The following UBR1 variants were observed in gnomAD, a reference collection of about 807,000 sequenced individuals.
UBR1 encodes the protein ubiquitin protein ligase E3 component n-recognin 1.
Under a neutral mutation model 242.1 loss-of-function variants are expected in UBR1, and 102 were observed. The ratio of observed to expected loss-of-function variants is 0.42; its 90% CI spans 0.36 to 0.50. The LOEUF (loss-of-function observed/expected upper bound fraction) is 0.50. Among genes scored for constraint, UBR1 ranks in the 20% least tolerant of loss-of-function variants. UBR1 has a pLI of 0.01. For missense variants in UBR1, 1,772 were observed against 2,101.8 expected (o/e 0.84, Z 3.07); for synonymous variants, 675 against 684.8 (o/e 0.99, Z 0.22).
chr15:43,022,890 T>C (rs1423878632), intron 25 of UBR1, 89 bp from the exon 26 acceptor site: 2 of 772,448 alleles, frequency 2.6e-6, no homozygotes, highest in East Asian at 3.2e-5. Context: ...CAGAGACTGG[T>C]CTCACTCTGT....
intron 3 of UBR1, among the ~76,000 whole-genome samples, chr15:43,080,953 A>T (rs2033967685): frequency 6.6e-6 from 1 of 152,212 alleles, no homozygotes; most frequent in South Asian, 2.1e-4. Flanking sequence ...TCCATCTCAA[A>T]AAAAAAACAT....
intron 27 of UBR1, 174 bp downstream of exon 27, chr15:43,021,097 AGTTT>A: frequency 1.8e-6 from 1 of 545,658 alleles, no homozygotes. Flanking sequence ...AATAAATCTT[AGTTT>A]ATTTTTAAAA....
intron 9 of UBR1, among the ~76,000 whole-genome samples, chr15:43,058,739 T>C (rs2033647436): frequency 1.3e-5 from 2 of 152,332 alleles, no homozygotes; most frequent in South Asian, 4.1e-4. Context: ...TTTTACGTTT[T>C]GTTCTTCATT....
intron 15 of UBR1, among the ~76,000 whole-genome samples, chr15:43,039,267 G>A (rs1490386557): frequency 6.6e-6 from 1 of 152,068 alleles, no homozygotes; most frequent in Non-Finnish European, 1.5e-5. Context: ...GAAAACGTAG[G>A]GAAAAGCTTC....
intron 25 of UBR1, 127 bp downstream of exon 25, chr15:43,024,702 A>G: frequency 7.4e-7 from 1 of 1,355,320 alleles, no homozygotes; most frequent in East Asian, 2.3e-5. Context: ...TGTGTAAGCT[A>G]TTTTTAATGA....
chr15:42,981,785 T>A (rs1044867242), intron 37 of UBR1, among the ~76,000 whole-genome samples: 2 of 152,198 alleles, frequency 1.3e-5, no homozygotes, highest in African/African-American at 4.8e-5. Flanking sequence ...GTGAAGCACA[T>A]ATCTGGCATT....
At chr15:43,078,446 G>C (rs1292847540) in intron 3 of UBR1, among the ~76,000 whole-genome samples, 2 of 152,084 alleles carry the variant, frequency 1.3e-5, no homozygotes, top group African/African-American at 4.8e-5. Flanking sequence ...TGACAGAAGA[G>C]AGCACTTGTA....
chr15:42,966,068 G>T, intron 41 of UBR1, 85 bp downstream of exon 41: 1 of 1,589,872 alleles, frequency 6.3e-7, no homozygotes, highest in Admixed American at 1.7e-5. Context: ...GGTTTTATCT[G>T]CTTTAACCTT....
intron 39 of UBR1, among the ~76,000 whole-genome samples, chr15:42,971,273 T>C (rs1567111883): frequency 1.3e-5 from 2 of 152,220 alleles, no homozygotes; most frequent in Non-Finnish European, 2.9e-5. Flanking sequence ...GTGTCTGTCC[T>C]GCCTTCATGC....
In UBR1 at chr15:43,047,166, A is replaced by G. The variant is rs772411595; in HGVS notation, c.1663T>C (p.Cys555Arg). ...ILLMFQEWCACDEELLLVAYK... is the reference protein window; with the variant it reads ...ILLMFQEWCARDEELLLVAYK... ...TACTAACAAATTTTACTTACATCACAAGCACACCACTCTTGGAACATGAGT... is the reference window on the plus strand; with the variant it reads ...TACTAACAAATTTTACTTACATCACGAGCACACCACTCTTGGAACATGAGT... The change falls in exon 14 of 47, where the codon TGT (cysteine) becomes CGT (arginine). Residue 555 changes from cysteine (C) to arginine (R), a missense_variant. This residue lies in a region of UBR1 where 734 missense variants were observed against 893.3 expected (regional missense o/e 0.82). Transcript: ENST00000290650. The G allele has an allele frequency of 4.3e-6, 7 of 1,614,018 alleles. No individual in the cohort carries two copies. The Admixed American group carries it at 1.0e-4, about 23-fold the overall frequency.
chr15:43,089,233 C>T (rs912361697), intron 1 of UBR1, among the ~76,000 whole-genome samples: 2 of 151,782 alleles, frequency 1.3e-5, no homozygotes, highest in Non-Finnish European at 2.9e-5. Flanking sequence ...TGGCTTATGC[C>T]TGTAATCCCA....
chr15:42,989,506 CA>C (rs2032523941), intron 34 of UBR1, among the ~76,000 whole-genome samples: 1 of 152,096 alleles, frequency 6.6e-6, no homozygotes, highest in Admixed American at 6.5e-5. Context: ...AAACAAGGAT[CA>C]CAACTAGAAA....
intron 33 of UBR1, among the ~76,000 whole-genome samples, chr15:42,992,115 T>C (rs182662668): frequency 2.0e-4 from 30 of 152,274 alleles, no homozygotes; most frequent in African/African-American, 7.0e-4. Flanking sequence ...TTCAATTCTA[T>C]TATCTCCATA....
At chr15:42,977,384 G>A (rs1034195723) in intron 38 of UBR1, among the ~76,000 whole-genome samples, 3 of 152,084 alleles carry the variant, frequency 2.0e-5, no homozygotes, top group East Asian at 1.9e-4. Context: ...CTTTCTCTAC[G>A]GAACTTGGTT....
At chr15:43,090,443 C>T (rs1001983464) in intron 1 of UBR1, among the ~76,000 whole-genome samples, 4 of 151,878 alleles carry the variant, frequency 2.6e-5, no homozygotes, top group African/African-American at 9.7e-5. Context: ...ATTTATTTTA[C>T]TAATACCTTT....
chr15:43,039,090 C>T (rs2033382254), intron 15 of UBR1, among the ~76,000 whole-genome samples: 1 of 150,776 alleles, frequency 6.6e-6, no homozygotes, highest in Non-Finnish European at 1.5e-5. Context: ...GTATTTTTAA[C>T]AAAAATTTTT....
At chr15:43,075,280 C>G (rs1256291247) in intron 3 of UBR1, among the ~76,000 whole-genome samples, 191 bp from the exon 4 acceptor site, 1 of 152,178 alleles carries the variant, frequency 6.6e-6, no homozygotes, top group Non-Finnish European at 1.5e-5. Flanking sequence ...ACCAAAACTT[C>G]CAAATTCTGA....
chr15:43,050,663 G>T (rs1306914063), intron 12 of UBR1, among the ~76,000 whole-genome samples: 3 of 150,748 alleles, frequency 2.0e-5, no homozygotes, highest in African/African-American at 4.9e-5. Flanking sequence ...GACTGAGGTT[G>T]CAGTGAGCCA....
At position 43,047,148 on chromosome 15, in the gene UBR1, A is replaced by G. The variant is rs372109028; in HGVS notation, c.1668+13T>C. The G allele has an allele frequency of 2.5e-6, 4 of 1,613,960 alleles. No individual in the cohort carries two copies. In the African/African-American group the frequency reaches 5.3e-5, roughly 22 times the overall value. On this transcript the variant is annotated intron_variant, in intron 14 of 46. Coordinates refer to ENST00000290650, the MANE Select transcript of UBR1 (RefSeq NM_174916.3). ...TTAAAAAGGCACTGATCCTACTAAC[A>G]AATTTTACTTACATCACAAGCACAC...
Sources: allele counts gnomAD v4.1 joint callset (sites outside exome capture counted in the v4.1 genomes callset), GRCh38; gene constraint gnomAD v4.1.1; regional missense constraint gnomAD v4.1.1; transcripts MANE v1.5; gene names NCBI Gene and HGNC (gene_info 2026-07-23, HGNC 2026-07-21).